Variants in CACNA2D3 observed in about 807,000 individuals in gnomAD.
The protein encoded by CACNA2D3 is voltage-dependent calcium channel subunit alpha-2/delta-3.
In CACNA2D3, 60 loss-of-function variants were observed where a neutral mutation model predicts 160.6. The observed-to-expected ratio is 0.37, with a 90% CI of 0.30 to 0.46. The LOEUF (loss-of-function observed/expected upper bound fraction) is 0.46, where lower values mean the gene tolerates loss of function less well. Ranked by LOEUF, CACNA2D3 falls within the 20% of genes least tolerant of loss-of-function variation. The probability of loss-of-function intolerance (pLI) is 1.00; values close to 1 mark genes in which losing one functional copy is unlikely to be tolerated. For synonymous variants in CACNA2D3, 558 were observed against 492.9 expected, an observed-to-expected ratio of 1.13 and a Z score of -1.75; for missense variants, 1,205 against 1,365.0, an observed-to-expected ratio of 0.88 and a Z score of 1.85.
chr3:54,436,526 C>A (rs1040645894), intron 4 of CACNA2D3, among the ~76,000 whole-genome samples: 1 of 152,176 alleles, frequency 6.6e-6, no homozygotes, highest in East Asian at 1.9e-4. Context: ...GTGGAACCAA[C>A]CCAAATGCCC....
intron 30 of CACNA2D3, among the ~76,000 whole-genome samples, chr3:54,987,354 C>A (rs2280185): frequency 0.17 from 25,856 of 152,078 alleles, 2,422 homozygotes; most frequent in East Asian, 0.31. Flanking sequence ...TTTAATCACA[C>A]GGGATTATGT....
intron 2 of CACNA2D3, among the ~76,000 whole-genome samples, chr3:54,193,556 C>G (rs1027721966): frequency 6.6e-6 from 1 of 152,154 alleles, no homozygotes; most frequent in Non-Finnish European, 1.5e-5. Flanking sequence ...TAAGCAGGCA[C>G]TATGATTATT....
intron 3 of CACNA2D3, among the ~76,000 whole-genome samples, chr3:54,321,507 T>C (rs1703993890): frequency 6.6e-6 from 1 of 152,118 alleles, no homozygotes. Flanking sequence ...TTATAATGGA[T>C]CAACCAACCA....
At chr3:54,300,149 A>G (rs747150944) in intron 2 of CACNA2D3, among the ~76,000 whole-genome samples, 26 of 152,234 alleles carry the variant, frequency 1.7e-4, no homozygotes, top group Non-Finnish European at 5.9e-5. Context: ...AAGGACTTCT[A>G]TTAGATATTT....
At chr3:54,400,988 AG>A (rs1699451214) in intron 4 of CACNA2D3, among the ~76,000 whole-genome samples, 1 of 152,188 alleles carries the variant, frequency 6.6e-6, no homozygotes, top group East Asian at 1.9e-4. Context: ...TAGGCAATTC[AG>A]TGAAATCAGA....
intron 11 of CACNA2D3, among the ~76,000 whole-genome samples, chr3:54,660,321 CG>C (rs1291446949): frequency 6.6e-6 from 1 of 151,974 alleles, no homozygotes; most frequent in African/African-American, 2.4e-5. Context: ...CCACCATGCC[CG>C]GCTAATTTTT....
intron 27 of CACNA2D3, among the ~76,000 whole-genome samples, chr3:54,958,123 A>G (rs1056106654): frequency 6.6e-6 from 1 of 152,248 alleles, no homozygotes; most frequent in African/African-American, 2.4e-5. Flanking sequence ...CTCAACCTCT[A>G]GTTGGATGAG....
chr3:54,802,427 T>G (rs894763741), intron 13 of CACNA2D3, among the ~76,000 whole-genome samples: 4 of 152,218 alleles, frequency 2.6e-5, no homozygotes, highest in Admixed American at 6.5e-5. Flanking sequence ...CATGTGTTTG[T>G]AAGGAAATTT....
At chr3:54,351,520 A>G (rs775274394) in intron 3 of CACNA2D3, among the ~76,000 whole-genome samples, 1 of 152,196 alleles carries the variant, frequency 6.6e-6, no homozygotes, top group African/African-American at 2.4e-5. Flanking sequence ...GAAGGTTCTT[A>G]GTAACTAAGG....
chr3:54,656,867 A>T (rs1433360594), intron 11 of CACNA2D3, among the ~76,000 whole-genome samples: 2 of 152,138 alleles, frequency 1.3e-5, no homozygotes, highest in African/African-American at 2.4e-5. Flanking sequence ...GTGCATGCGG[A>T]TGTATGTATA....
At chr3:55,003,377 A>C (rs1326490209) in intron 31 of CACNA2D3, among the ~76,000 whole-genome samples, 1 of 152,186 alleles carries the variant, frequency 6.6e-6, no homozygotes, top group Non-Finnish European at 1.5e-5. Flanking sequence ...CATACCATCT[A>C]AATACTGGAA....
intron 11 of CACNA2D3, among the ~76,000 whole-genome samples, chr3:54,704,739 T>A (rs1040108514): frequency 2.0e-5 from 3 of 152,072 alleles, no homozygotes; most frequent in African/African-American, 7.2e-5. Context: ...TGGGACTCCT[T>A]CCTATTGTTT....
At chr3:54,527,873 A>G (rs973188855) in intron 5 of CACNA2D3, among the ~76,000 whole-genome samples, 1 of 152,176 alleles carries the variant, frequency 6.6e-6, no homozygotes, top group South Asian at 2.1e-4. Flanking sequence ...TGCTGTTCTT[A>G]CTGAGTTTTA....
rs186921246 is a variant in CACNA2D3, at chr3:54,913,368, G to A, written c.2449+13500G>A. Among the ~76,000 whole-genome samples the A allele has an allele frequency of 3.4e-3, 522 of 152,180 alleles. 3 individuals are homozygous for A. Among genetic ancestry groups the A allele is most frequent in the Middle Eastern group, 0.014 (4 of 294 alleles). ...TCCTTGAGCAGTATTCCTAATTTCCGTGGCCCTCGTAACTTTCTCCTCTTC... is the reference window on the plus strand; with the variant it reads ...TCCTTGAGCAGTATTCCTAATTTCCATGGCCCTCGTAACTTTCTCCTCTTC... On this transcript the variant is annotated intron_variant, in intron 27 of 37. Transcript: ENST00000474759.
At chr3:54,564,755 C>T (rs2106710473) in intron 6 of CACNA2D3, among the ~76,000 whole-genome samples, 1 of 152,246 alleles carries the variant, frequency 6.6e-6, no homozygotes, top group East Asian at 1.9e-4. Context: ...AGGTCTCTGC[C>T]CTCATCCAGC....
At chr3:54,859,128 A>G (rs1699230502) in intron 17 of CACNA2D3, among the ~76,000 whole-genome samples, 1 of 152,254 alleles carries the variant, frequency 6.6e-6, no homozygotes, top group Non-Finnish European at 1.5e-5. Flanking sequence ...TGGTAGCAGT[A>G]AGATGAAGGC....
intron 35 of CACNA2D3, among the ~76,000 whole-genome samples, chr3:55,053,068 A>G (rs1025033604): frequency 3.9e-5 from 6 of 152,106 alleles, no homozygotes; most frequent in African/African-American, 9.6e-5. Context: ...GTCTATATCC[A>G]TGAAACTATC....
intron 2 of CACNA2D3, among the ~76,000 whole-genome samples, chr3:54,260,460 C>A (rs905782729): frequency 1.8e-4 from 28 of 152,128 alleles, no homozygotes; most frequent in Non-Finnish European, 3.7e-4. Context: ...ACAGAGGGAG[C>A]GTGTCAGTTC....
intron 4 of CACNA2D3, among the ~76,000 whole-genome samples, chr3:54,405,082 A>G (rs1285403006): frequency 4.7e-5 from 7 of 149,454 alleles, no homozygotes; most frequent in Non-Finnish European, 8.9e-5. Flanking sequence ...TGTCTATACT[A>G]TACTATACTA....
Sources: gnomAD v4.1 joint callset for allele counts (sites outside exome capture counted in the v4.1 genomes callset) on GRCh38, gnomAD v4.1.1 for gene constraint, MANE v1.5 for transcripts, NCBI Gene and HGNC (gene_info 2026-07-23, HGNC 2026-07-21) for gene names.